Variants in SEC14L1 observed in about 807,000 individuals in gnomAD.
SEC14L1 encodes SEC14 like lipid binding 1.
Under a neutral mutation model 85.3 loss-of-function variants are expected in SEC14L1, and 48 were observed. That is an observed-to-expected ratio of 0.56 (90% CI 0.45 to 0.72). The LOEUF is 0.72. SEC14L1 is among the 30% of genes least tolerant of loss of function. The pLI is 0.00. For missense variants in SEC14L1, 682 were observed against 921.4 expected (o/e 0.74, Z 3.36); for synonymous variants, 391 against 355.5 (o/e 1.10, Z -1.12).
intron 3 of SEC14L1, among the ~76,000 whole-genome samples, chr17:77,128,388 G>A (rs1310792711): frequency 1.4e-5 from 2 of 145,584 alleles, no homozygotes; most frequent in African/African-American, 5.0e-5. Flanking sequence ...TCACACTTGA[G>A]CATTTTATTT....
At chr17:77,100,055 G>A (rs894018454) in intron 3 of SEC14L1, among the ~76,000 whole-genome samples, 5 of 152,208 alleles carry the variant, frequency 3.3e-5, no homozygotes, top group Non-Finnish European at 5.9e-5. Context: ...TCCCTGCTCT[G>A]GCGCTCCCAG....
At chr17:77,191,091 A>C in intron 4 of SEC14L1, 90 bp from the exon 5 acceptor site, 1 of 1,504,440 alleles carries the variant, frequency 6.6e-7, no homozygotes, top group Non-Finnish European at 9.1e-7. Flanking sequence ...CCTGGAGGGC[A>C]GCCCCCAGAG....
At chr17:77,200,830 CTG>C (rs1976100553) in intron 9 of SEC14L1, among the ~76,000 whole-genome samples, 157 bp downstream of exon 9, 1 of 152,250 alleles carries the variant, frequency 6.6e-6, no homozygotes, top group South Asian at 2.1e-4. Flanking sequence ...GTTGAACAGA[CTG>C]ATACGTGTCA....
chr17:77,153,962 T>C (rs1054360403), intron 3 of SEC14L1, among the ~76,000 whole-genome samples: 4 of 152,230 alleles, frequency 2.6e-5, no homozygotes, highest in East Asian at 3.8e-4. Flanking sequence ...GTTGTAATTT[T>C]CTTGCATGGT....
chr17:77,149,452 G>T (rs1219863062), intron 3 of SEC14L1, among the ~76,000 whole-genome samples: 1 of 152,164 alleles, frequency 6.6e-6, no homozygotes, highest in East Asian at 1.9e-4. Flanking sequence ...TTGAGAACTT[G>T]GGAGGGTGAG....
chr17:77,190,040 G>A (rs1385318087), intron 3 of SEC14L1, among the ~76,000 whole-genome samples: 1 of 152,048 alleles, frequency 6.6e-6, no homozygotes, highest in Non-Finnish European at 1.5e-5. Flanking sequence ...TCTTTGCCTA[G>A]CCCAGGATCC....
chr17:77,171,112 A>G (rs1974504701), intron 3 of SEC14L1, among the ~76,000 whole-genome samples: 1 of 151,256 alleles, frequency 6.6e-6, no homozygotes, highest in East Asian at 1.9e-4. Flanking sequence ...TTGTTGATTT[A>G]TTAGTTTTTT....
chr17:77,188,546 C>T (rs940057287), intron 3 of SEC14L1, among the ~76,000 whole-genome samples: 4 of 152,042 alleles, frequency 2.6e-5, no homozygotes, highest in African/African-American at 9.7e-5. Context: ...TAGCCTCACT[C>T]AGGAAGGACA....
At chr17:77,155,012 T>C (rs1175999106) in intron 3 of SEC14L1, among the ~76,000 whole-genome samples, 1 of 152,210 alleles carries the variant, frequency 6.6e-6, no homozygotes, top group African/African-American at 2.4e-5. Context: ...ATATTTTGCA[T>C]TTTCTGGCAA....
At chr17:77,125,150 G>T (rs927048350) in intron 3 of SEC14L1, among the ~76,000 whole-genome samples, 1 of 151,378 alleles carries the variant, frequency 6.6e-6, no homozygotes, top group Non-Finnish European at 1.5e-5. Flanking sequence ...GACTACAGGC[G>T]CCCGCCCGGC....
At position 77,213,684 on chromosome 17, in the gene SEC14L1, G is replaced by A. The variant is rs761738640; in HGVS notation, c.2042+192G>A. On this transcript the variant is annotated intron_variant, in intron 16 of 16. Coordinates refer to ENST00000436233, the MANE Select transcript of SEC14L1 (RefSeq NM_001143998.2). The surrounding 1 kb of genome is among the most constrained non-coding windows in gnomAD (Gnocchi z 7.1). ...TGCCTGTCTGCAGAGGGAGAGTGTC[G>A]GAGACAGAGCCGACTGACTGCCTTT... The A allele has an allele frequency of 3.7e-5, 32 of 862,154 alleles. No individual in the cohort carries two copies. The highest frequency in any genetic ancestry group is 3.5e-4 in the African/African-American group (21 of 60,132). 53.4% of individuals were successfully genotyped at this position (862,154 alleles called of 1,614,324 possible).
At chr17:77,194,615 G>A in intron 6 of SEC14L1, 62 bp from the exon 7 acceptor site, 1 of 1,331,286 alleles carries the variant, frequency 7.5e-7, no homozygotes, top group Non-Finnish European at 1.1e-6. Context: ...AAAAATCTTG[G>A]GAGAGATGAG....
At chr17:77,097,843 GA>G (rs1458508048) in intron 3 of SEC14L1, among the ~76,000 whole-genome samples, 1 of 152,164 alleles carries the variant, frequency 6.6e-6, no homozygotes, top group Non-Finnish European at 1.5e-5. Context: ...CAGGTCATTA[GA>G]ATATGCAGAA....
chr17:77,191,543 GT>G (rs960290351), intron 5 of SEC14L1, among the ~76,000 whole-genome samples: 39 of 148,664 alleles, frequency 2.6e-4, no homozygotes, highest in Non-Finnish European at 4.6e-4. Context: ...ATTTGGTTTT[GT>G]TTTTTTTTTC....
intron 7 of SEC14L1, among the ~76,000 whole-genome samples, chr17:77,195,475 C>T (rs60827054): frequency 0.024 from 3,684 of 152,088 alleles, 146 homozygotes; most frequent in African/African-American, 0.084. Context: ...TGTGCCACCA[C>T]GCCTGACTAA....
chr17:77,204,610 G>T (rs999095345), intron 10 of SEC14L1, among the ~76,000 whole-genome samples: 1 of 146,144 alleles, frequency 6.8e-6, no homozygotes, highest in Non-Finnish European at 1.5e-5. Flanking sequence ...GTCTATTCGT[G>T]GGTGTCATCA....
chr17:77,160,743 A>T lies in SEC14L1; in HGVS notation c.63+17084A>T, dbSNP rs117898327. ...TTGTACTTTTATTTTGATAATCGAAAAACTACATGGATGCGTTGAGATCAT... is the reference window on the plus strand; with the variant it reads ...TTGTACTTTTATTTTGATAATCGAATAACTACATGGATGCGTTGAGATCAT... On this transcript the variant is annotated intron_variant, in intron 3 of 16. Transcript: ENST00000436233. Among the ~76,000 whole-genome samples the T allele has an allele frequency of 8.5e-3, 1,302 of 152,316 alleles. 9 individuals are homozygous for T. The highest frequency in any genetic ancestry group is 0.015 in the Non-Finnish European group (1,016 of 68,036).
intron 3 of SEC14L1, among the ~76,000 whole-genome samples, chr17:77,162,350 A>G (rs918279448): frequency 6.6e-6 from 1 of 152,220 alleles, no homozygotes; most frequent in African/African-American, 2.4e-5. Context: ...CCTTCAGTGC[A>G]AGGAATCAAA....
chr17:77,161,926 T>G (rs1403450489), intron 3 of SEC14L1, among the ~76,000 whole-genome samples: 2 of 148,168 alleles, frequency 1.3e-5, no homozygotes, highest in Non-Finnish European at 3.0e-5. Context: ...TTCTTCTTTC[T>G]TCTTCTTCTT....
Sources: allele counts gnomAD v4.1 joint callset (sites outside exome capture counted in the v4.1 genomes callset), GRCh38; gene constraint gnomAD v4.1.1; non-coding constraint Gnocchi (gnomAD v3.1); transcripts MANE v1.5; gene names NCBI Gene and HGNC (gene_info 2026-07-23, HGNC 2026-07-21).